The following ECM2 variants were observed in gnomAD, a reference collection of about 807,000 sequenced individuals.
ECM2 encodes the protein extracellular matrix protein 2.
ECM2 carries 57 observed loss-of-function variants against 67.5 expected under a neutral mutation model. The ratio of observed to expected loss-of-function variants is 0.84; its 90% CI spans 0.68 to 1.05. The LOEUF (loss-of-function observed/expected upper bound fraction) is 1.05. Among genes scored for constraint, ECM2 ranks in the 50% least tolerant of loss-of-function variants. The pLI is 0.00. For synonymous variants in ECM2, 258 were observed against 294.5 expected (o/e 0.88, Z 1.27); for missense variants, 741 against 822.8 (o/e 0.90, Z 1.22).
chr9:92,523,093 T>C (rs76005470), intron 1 of ECM2, among the ~76,000 whole-genome samples, 200 bp from the exon 2 acceptor site: 7 of 151,734 alleles, frequency 4.6e-5, no homozygotes, highest in Non-Finnish European at 8.8e-5. Flanking sequence ...TTTTTTTTTT[T>C]AAATAGAGAT....
intron 3 of ECM2, among the ~76,000 whole-genome samples, chr9:92,515,679 A>G (rs542738267): frequency 1.3e-5 from 2 of 152,234 alleles, no homozygotes; most frequent in Non-Finnish European, 2.9e-5. Context: ...ACTTGCTTAT[A>G]GCAGTGAAAC....
In ECM2 at chr9:92,527,906, C is replaced by T. The variant is rs564391088; in HGVS notation, c.-27-5013G>A. ...ATGAGCATGGTTTTGTGGAGATCAC[C>T]TTCCCTGTATTGCCATAACAACATT... On this transcript the variant is annotated intron_variant, in intron 1 of 9. Coordinates refer to ENST00000344604, the MANE Select transcript of ECM2 (RefSeq NM_001393.4). The T allele has an allele frequency of 5.3e-4, 82 of 154,266 alleles. 2 individuals carry two copies. In the Middle Eastern group the frequency reaches 0.021, roughly 40 times the overall value. The allele number at this position is 154,266 out of a possible 1,614,324, so 9.6% of individuals were successfully genotyped here. A position where few individuals can be genotyped will look rare whatever the true frequency, so the allele number is the denominator to read the frequency against.
chr9:92,558,385 C>T, the ECM2 span, among the ~76,000 whole-genome samples: 1 of 152,156 alleles, frequency 6.6e-6, no homozygotes, highest in Non-Finnish European at 1.5e-5. Context: ...TTCCTGTGAG[C>T]CAAACTACAG....
the ECM2 span, among the ~76,000 whole-genome samples, chr9:92,548,497 T>C: frequency 6.6e-6 from 1 of 152,202 alleles, no homozygotes; most frequent in Non-Finnish European, 1.5e-5. Flanking sequence ...GCAAAACTTT[T>C]CTACAACACA....
intron 7 of ECM2, among the ~76,000 whole-genome samples, chr9:92,504,283 C>A (rs1010427620): frequency 6.6e-6 from 1 of 152,156 alleles, no homozygotes; most frequent in Non-Finnish European, 1.5e-5. Context: ...GTCAGTGTTA[C>A]ATAACTCTGT....
At chr9:92,506,269 A>G (rs973649824) in intron 6 of ECM2, among the ~76,000 whole-genome samples, 1 of 152,242 alleles carries the variant, frequency 6.6e-6, no homozygotes, top group African/African-American at 2.4e-5. Context: ...AATTCCCATC[A>G]TAGTTACTCA....
the ECM2 span, among the ~76,000 whole-genome samples, chr9:92,544,033 CTT>C: frequency 5.3e-3 from 801 of 152,272 alleles, 13 homozygotes; most frequent in African/African-American, 0.018. Context: ...ATTTCTTTCT[CTT>C]ATCTAATTGC....
Position 92,514,917 on chromosome 9 carries a change from C to T in ECM2, c.768G>A (p.Glu256=). The T allele has an allele frequency of 6.2e-7, 1 of 1,613,854 alleles. No individual in the cohort carries two copies. The highest frequency in any genetic ancestry group is 1.1e-5 in the South Asian group (1 of 91,062). ...RGGDRKQRPG[E]ERRLAHQQQR... is the part of the protein sequence containing the mutation. ...GTTGCTGGTGTGCCAGCCTCCTCTC[C>T]TCTCCAGGCCTCTGCTTTCTGTCTC... The change falls in exon 4 of 10, where the codon GAG becomes GAA. Residue 256 remains glutamate (E), a synonymous_variant. Coordinates refer to ENST00000344604, the MANE Select transcript of ECM2 (RefSeq NM_001393.4).
intron 8 of ECM2, among the ~76,000 whole-genome samples, chr9:92,502,196 G>C (rs1214684097): frequency 6.6e-6 from 1 of 152,172 alleles, no homozygotes; most frequent in South Asian, 2.1e-4. Context: ...GGCAGACCTC[G>C]AAGTCAGACA....
At chr9:92,507,686 G>A (rs117105366) in intron 6 of ECM2, among the ~76,000 whole-genome samples, 62 of 152,262 alleles carry the variant, frequency 4.1e-4, no homozygotes, top group Non-Finnish European at 6.8e-4. Flanking sequence ...CAGCCTCCAG[G>A]GCTCCTGATT....
intron 3 of ECM2, among the ~76,000 whole-genome samples, chr9:92,515,423 A>ATAC (rs1163025050): frequency 2.0e-5 from 3 of 152,208 alleles, no homozygotes; most frequent in African/African-American, 7.2e-5. Context: ...GTGGGCCTTA[A>ATAC]TACTAATTTT....
chr9:92,497,127 A>T (rs1846391898), intron 9 of ECM2, among the ~76,000 whole-genome samples: 1 of 152,210 alleles, frequency 6.6e-6, no homozygotes, highest in African/African-American at 2.4e-5. Flanking sequence ...TTTTATCCCA[A>T]AGTTAAACTG....
chr9:92,540,449 A>C (rs1202494575), upstream of ECM2, among the ~76,000 whole-genome samples: 5 of 151,616 alleles, frequency 3.3e-5, no homozygotes, highest in South Asian at 4.2e-4. Context: ...AAAAAAAAAA[A>C]AATGAGATCA....
In ECM2 at chr9:92,496,503, C is replaced by A. The variant is rs772478056; in HGVS notation, c.1932-20G>T. Reference sequence around the variant, plus strand: ...ATGTTCCTAAGGAAAAATAGACATGCAAGTCACACATGGTCCCAGTAATAA... The same window carrying A: ...ATGTTCCTAAGGAAAAATAGACATGAAAGTCACACATGGTCCCAGTAATAA... On this transcript the variant is annotated intron_variant, in intron 9 of 9. Coordinates refer to ENST00000344604, the MANE Select transcript of ECM2 (RefSeq NM_001393.4). 6.2e-7 allele frequency: 1 copy of A among 1,602,758 alleles called. No homozygotes were observed. Among genetic ancestry groups the A allele is most frequent in the Non-Finnish European group, 8.5e-7 (1 of 1,177,454 alleles).
the ECM2 span, among the ~76,000 whole-genome samples, chr9:92,559,098 C>G: frequency 6.6e-6 from 1 of 152,206 alleles, no homozygotes; most frequent in South Asian, 2.1e-4. Flanking sequence ...CCTCTGAAGT[C>G]TGCACACTGG....
chr9:92,553,299 T>C, the ECM2 span, among the ~76,000 whole-genome samples: 1 of 152,248 alleles, frequency 6.6e-6, no homozygotes, highest in Non-Finnish European at 1.5e-5. Flanking sequence ...TATTATGCTG[T>C]TTTGGTGACT....
intron 5 of ECM2, among the ~76,000 whole-genome samples, chr9:92,511,019 A>C (rs1385237774): frequency 6.6e-6 from 1 of 152,206 alleles, no homozygotes; most frequent in Non-Finnish European, 1.5e-5. Flanking sequence ...AGTGGAATAT[A>C]GTGTGCTTTA....
At chr9:92,552,091 TATG>T in the ECM2 span, among the ~76,000 whole-genome samples, 4 of 136,398 alleles carry the variant, frequency 2.9e-5, no homozygotes, top group South Asian at 2.3e-4. Flanking sequence ...ATATATGTGA[TATG>T]ATAGATCTAT....
At chr9:92,533,358 T>TGC (rs1276808960) in intron 1 of ECM2, among the ~76,000 whole-genome samples, 1 of 126,978 alleles carries the variant, frequency 7.9e-6, no homozygotes, top group Non-Finnish European at 1.6e-5. Flanking sequence ...TATATATATA[T>TGC]GCTTTGGGTC....
Sources: gnomAD v4.1 joint callset for allele counts (sites outside exome capture counted in the v4.1 genomes callset) on GRCh38, gnomAD v4.1.1 for gene constraint, MANE v1.5 for transcripts, NCBI Gene and HGNC (gene_info 2026-07-23, HGNC 2026-07-21) for gene names.